EFNA5: variants seen among roughly 807,000 people sequenced by gnomAD.
EFNA5 encodes the protein ephrin A5.
A neutral mutation model predicts 22.9 loss-of-function variants in EFNA5; 5 were observed. That is an observed-to-expected ratio of 0.22 (90% CI 0.11 to 0.46). EFNA5 has a LOEUF of 0.46. Ranked by LOEUF, EFNA5 falls within the 20% of genes least tolerant of loss-of-function variation. The pLI is 0.99. For synonymous variants in EFNA5, 113 were observed against 112.2 expected (o/e 1.01, Z -0.04); for missense variants, 237 against 293.3 (o/e 0.81, Z 1.40).
chr5:107,424,752 C>A (rs766510643), intron 2 of EFNA5, among the ~76,000 whole-genome samples: 6 of 152,110 alleles, frequency 3.9e-5, no homozygotes, highest in Non-Finnish European at 7.4e-5. Flanking sequence ...GGCCAATTCT[C>A]CCCTAAGAAT....
chr5:107,407,301 GGAA>G (rs1296653170), intron 2 of EFNA5, among the ~76,000 whole-genome samples: 19 of 152,060 alleles, frequency 1.2e-4, no homozygotes, highest in African/African-American at 4.6e-4. Context: ...ACATAGACCT[GGAA>G]GACATTCTCA....
chr5:107,620,159 A>G (rs1354192788), intron 1 of EFNA5, among the ~76,000 whole-genome samples: 3 of 152,234 alleles, frequency 2.0e-5, no homozygotes, highest in African/African-American at 7.2e-5. Flanking sequence ...AAGTTGCACA[A>G]ATCTCCAACA....
intron 1 of EFNA5, among the ~76,000 whole-genome samples, chr5:107,653,738 T>C (rs189876564): frequency 1.3e-5 from 2 of 152,324 alleles, no homozygotes; most frequent in African/African-American, 4.8e-5. Flanking sequence ...TAGCAATTTA[T>C]AACAAGAAAA....
At position 107,397,086 on chromosome 5, in the gene EFNA5, T is replaced by TA. The variant is rs201852016; in HGVS notation, c.419-9316_419-9315insT. On this transcript the variant is annotated intron_variant, in intron 2 of 4. Transcript: ENST00000333274. ...TAAATGTTCTCACTCCACTCTTTAA[T>TA]TTTTTTTTTTGTATACTATTTGGGT... Among the ~76,000 whole-genome samples the TA allele has an allele frequency of 9.9e-3, 1,246 of 126,102 alleles. 7 individuals carry two copies. The highest frequency in any genetic ancestry group is 0.027 in the South Asian group (114 of 4,218). 82.7% of individuals were successfully genotyped at this position (126,102 alleles called of 152,430 possible). A position where few individuals can be genotyped will look rare whatever the true frequency, so the allele number is the denominator to read the frequency against.
At chr5:107,467,962 A>G (rs26246) in intron 1 of EFNA5, among the ~76,000 whole-genome samples, 39,341 of 152,166 alleles carry the variant, frequency 0.26, 6,765 homozygotes, top group African/African-American at 0.48. Context: ...TATTATAGCT[A>G]TAAGAATGAA....
At chr5:107,536,151 A>G (rs1272991731) in intron 1 of EFNA5, among the ~76,000 whole-genome samples, 1 of 152,010 alleles carries the variant, frequency 6.6e-6, no homozygotes, top group Non-Finnish European at 1.5e-5. Flanking sequence ...CCATACAATT[A>G]CTCCTTGTTC....
At chr5:107,381,463 ACC>A in intron 4 of EFNA5, 87 bp from the exon 5 acceptor site, 1 of 1,439,322 alleles carries the variant, frequency 6.9e-7, no homozygotes, top group Non-Finnish European at 9.3e-7. Flanking sequence ...AGACCTCGCC[ACC>A]CTCTGCAAAG....
intron 1 of EFNA5, among the ~76,000 whole-genome samples, chr5:107,608,180 G>T (rs1749760628): frequency 1.3e-5 from 2 of 152,120 alleles, no homozygotes; most frequent in Admixed American, 6.6e-5. Context: ...TGAAGCAAAG[G>T]CTTCAAAAGC....
intron 1 of EFNA5, among the ~76,000 whole-genome samples, chr5:107,545,311 T>A (rs2112463688): frequency 6.6e-6 from 1 of 152,394 alleles, no homozygotes; most frequent in African/African-American, 2.4e-5. Flanking sequence ...GCAGTATTTC[T>A]AATGATCTTA....
chr5:107,586,771 T>G (rs538973287), intron 1 of EFNA5, among the ~76,000 whole-genome samples: 2 of 152,262 alleles, frequency 1.3e-5, no homozygotes, highest in South Asian at 4.1e-4. Context: ...CCAAGAACAC[T>G]CCTTCAAAAT....
chr5:107,436,339 G>T (rs1341307305), intron 1 of EFNA5, among the ~76,000 whole-genome samples: 2 of 152,176 alleles, frequency 1.3e-5, no homozygotes, highest in South Asian at 4.1e-4. Context: ...TTGGGTGACA[G>T]TCTAATTGCT....
intron 1 of EFNA5, among the ~76,000 whole-genome samples, chr5:107,472,008 T>G (rs1304708789): frequency 6.6e-6 from 1 of 152,206 alleles, no homozygotes; most frequent in Non-Finnish European, 1.5e-5. Flanking sequence ...CAAATAGCCT[T>G]AAGTCTGCAG....
At chr5:107,405,445 T>G (rs1748183146) in intron 2 of EFNA5, among the ~76,000 whole-genome samples, 1 of 152,250 alleles carries the variant, frequency 6.6e-6, no homozygotes, top group African/African-American at 2.4e-5. Context: ...TCACTCATTT[T>G]TACCTTAAAG....
intron 1 of EFNA5, among the ~76,000 whole-genome samples, chr5:107,660,261 CATATATATATATATATATATAT>C (rs56838945): frequency 0.21 from 11,047 of 52,508 alleles, 1,356 homozygotes; most frequent in East Asian, 0.52. Flanking sequence ...ATGGCAAAAA[CATATATATATATATATATATAT>C]ATATATATAT....
chr5:107,571,477 C>T (rs1182906929), intron 1 of EFNA5, among the ~76,000 whole-genome samples: 1 of 127,956 alleles, frequency 7.8e-6, no homozygotes, highest in Non-Finnish European at 1.9e-5. Context: ...AAAACGCTTC[C>T]TCAATCACCC....
At chr5:107,425,859 A>C (rs1748797826) in intron 2 of EFNA5, among the ~76,000 whole-genome samples, 1 of 152,156 alleles carries the variant, frequency 6.6e-6, no homozygotes, top group Non-Finnish European at 1.5e-5. Context: ...GTGGGTAGGG[A>C]CATTTGGACT....
intron 2 of EFNA5, among the ~76,000 whole-genome samples, chr5:107,394,982 GGATTTTGGAGAAT>G (rs930101233): frequency 6.9e-6 from 1 of 145,794 alleles, no homozygotes; most frequent in African/African-American, 2.5e-5. Context: ...AAAATAACGT[GGATTTTGGAGAAT>G]GATTTTAAAA....
intron 1 of EFNA5, among the ~76,000 whole-genome samples, chr5:107,505,294 T>C (rs372040409): frequency 3.3e-5 from 5 of 152,344 alleles, no homozygotes; most frequent in African/African-American, 1.2e-4. Context: ...TTAGGAAAGC[T>C]TCATGGCATC....
intron 1 of EFNA5, among the ~76,000 whole-genome samples, chr5:107,468,649 A>G (rs1481904039): frequency 6.6e-6 from 1 of 152,210 alleles, no homozygotes; most frequent in African/African-American, 2.4e-5. Flanking sequence ...AACCTCACCA[A>G]TGTTGGCACT....
Sources: gnomAD v4.1 joint callset for allele counts (sites outside exome capture counted in the v4.1 genomes callset) on GRCh38, gnomAD v4.1.1 for gene constraint, MANE v1.5 for transcripts, NCBI Gene and HGNC (gene_info 2026-07-23, HGNC 2026-07-21) for gene names.